Variants in TG observed in about 807,000 individuals in gnomAD.
TG encodes thyroid hormones.
TG carries 270 observed loss-of-function variants against 324.7 expected under a neutral mutation model. The observed-to-expected ratio is 0.83, with a 90% CI of 0.75 to 0.92. The LOEUF (loss-of-function observed/expected upper bound fraction) is 0.92, where lower values mean the gene tolerates loss of function less well. Ranked by LOEUF, TG falls within the 40% of genes least tolerant of loss-of-function variation. TG has a pLI of 0.00. For synonymous variants in TG, 1,401 were observed against 1,327.0 expected (o/e 1.06, Z -1.21); for missense variants, 3,591 against 3,456.4 (o/e 1.04, Z -0.98).
At chr8:133,045,371 G>C (rs947871771) in intron 41 of TG, among the ~76,000 whole-genome samples, 3 of 149,942 alleles carry the variant, frequency 2.0e-5, no homozygotes, top group African/African-American at 7.4e-5. Flanking sequence ...CAGGAACACA[G>C]GTTTCATCCT....
At chr8:132,904,130 C>T (rs538976505) in intron 16 of TG, among the ~76,000 whole-genome samples, 2 of 152,282 alleles carry the variant, frequency 1.3e-5, no homozygotes, top group Admixed American at 1.3e-4. Context: ...GCTCTCTAGG[C>T]TTCAGGGGCC....
chr8:133,012,179 C>G (rs1243730489), intron 36 of TG, 144 bp downstream of exon 36: 3 of 1,243,756 alleles, frequency 2.4e-6, no homozygotes, highest in Non-Finnish European at 3.4e-6. Context: ...GGAAGAAGAC[C>G]TGGGTGAAGT....
rs997569822 is a variant in TG, at chr8:132,886,347, T to G, written c.1076-101T>G. On this transcript the variant is annotated intron_variant, in intron 8 of 47. Transcript: ENST00000220616. ...GGTTTCAAACGTAGGTGTCCTTGAT[T>G]GAATGTTCTGGCTTCTTACTACCTA... 235 of 1,509,798 alleles carry G rather than the reference T, an allele frequency of 1.6e-4. 1 individual carries two copies. Among genetic ancestry groups the G allele is most frequent in the Non-Finnish European group, 1.9e-5 (21 of 1,094,384 alleles). 93.5% of individuals were successfully genotyped at this position (1,509,798 alleles called of 1,614,324 possible).
At chr8:132,896,746 A>C (rs1309009599) in intron 11 of TG, among the ~76,000 whole-genome samples, 1 of 152,204 alleles carries the variant, frequency 6.6e-6, no homozygotes, top group African/African-American at 2.4e-5. Context: ...TTGAGTGCCT[A>C]CTATGAGCCA....
intron 40 of TG, among the ~76,000 whole-genome samples, chr8:133,026,920 TG>T (rs1285639948): frequency 6.6e-6 from 1 of 152,274 alleles, no homozygotes; most frequent in African/African-American, 2.4e-5. Flanking sequence ...TGACAAGCAC[TG>T]TTCTGTTCCC....
chr8:133,013,527 A>C, intron 36 of TG, 73 bp from the exon 37 acceptor site: 1 of 1,582,410 alleles, frequency 6.3e-7, no homozygotes, highest in Non-Finnish European at 8.7e-7. Flanking sequence ...GGTTGGATGG[A>C]TGACTGGAAG....
At chr8:133,128,178 C>A (rs752191725) in intron 45 of TG, among the ~76,000 whole-genome samples, 1 of 152,128 alleles carries the variant, frequency 6.6e-6, no homozygotes, top group South Asian at 2.1e-4. Context: ...CTCAGCAGAA[C>A]GGCCACCTTT....
intron 41 of TG, among the ~76,000 whole-genome samples, chr8:133,062,892 G>C (rs990431072): frequency 2.6e-5 from 4 of 152,138 alleles, no homozygotes; most frequent in Non-Finnish European, 5.9e-5. Flanking sequence ...TGCACAGGCT[G>C]CTCTGCTACG....
At chr8:133,125,735 C>T (rs185112031) in intron 45 of TG, among the ~76,000 whole-genome samples, 2 of 152,146 alleles carry the variant, frequency 1.3e-5, no homozygotes, top group East Asian at 1.9e-4. Context: ...GCTGAGTGCG[C>T]GCTAGGACAC....
At chr8:132,923,830 C>T (rs1248997720) in intron 22 of TG, among the ~76,000 whole-genome samples, 1 of 152,070 alleles carries the variant, frequency 6.6e-6, no homozygotes, top group Admixed American at 6.5e-5. Context: ...GGCCTCCATT[C>T]TTCTAGGCAG....
chr8:133,035,956 C>T (rs1259464998), intron 41 of TG, among the ~76,000 whole-genome samples: 1 of 152,150 alleles, frequency 6.6e-6, no homozygotes, highest in East Asian at 1.9e-4. Flanking sequence ...CCCCTACCCT[C>T]TAGGGCCCTG....
chr8:133,102,647 T>C, intron 43 of TG: 2 of 1,327,678 alleles, frequency 1.5e-6, no homozygotes, highest in Non-Finnish European at 2.1e-6. Context: ...TCTTCATCAG[T>C]CGCTGTCATG....
chr8:133,013,253 T>A (rs1211755457), intron 36 of TG, among the ~76,000 whole-genome samples: 1 of 152,228 alleles, frequency 6.6e-6, no homozygotes, highest in East Asian at 1.9e-4. Flanking sequence ...CTCACATAAA[T>A]GAGTGATTGC....
At chr8:132,893,663 C>T (rs939832670) in intron 10 of TG, 27 bp from the exon 11 acceptor site, 11 of 1,613,010 alleles carry the variant, frequency 6.8e-6, no homozygotes, top group African/African-American at 1.3e-5. Flanking sequence ...GTGAGTGAGT[C>T]CATCTGTGTT....
chr8:132,936,128 A>G (rs1823548893), intron 25 of TG, among the ~76,000 whole-genome samples: 2 of 152,228 alleles, frequency 1.3e-5, no homozygotes, highest in Admixed American at 1.3e-4. Flanking sequence ...ATTGCAATCT[A>G]GCAAGGATTG....
At chr8:132,907,000 A>C in intron 17 of TG, 100 bp downstream of exon 17, 8 of 1,239,082 alleles carry the variant, frequency 6.5e-6, no homozygotes, top group Non-Finnish European at 8.0e-6. Flanking sequence ...CCCCACCCAA[A>C]TGTAGCACGC....
In TG at chr8:132,953,439, G is replaced by A. The variant is rs139871137; in HGVS notation, c.5401+4496G>A. 3.1e-3 allele frequency among the ~76,000 whole-genome samples: 468 copies of A among 152,302 alleles called. 4 individuals are homozygous for A. The highest frequency in any genetic ancestry group is 0.011 in the African/African-American group (444 of 41,572). On this transcript the variant is annotated intron_variant, in intron 27 of 47. Transcript: ENST00000220616. ...AGAGATACAGAGATTATTAAATACAGCAGGCCTCCTGTTTGCCCACCTTAG... is the reference window on the plus strand; with the variant it reads ...AGAGATACAGAGATTATTAAATACAACAGGCCTCCTGTTTGCCCACCTTAG...
intron 43 of TG, 59 bp downstream of exon 43, chr8:133,096,432 C>T: frequency 6.3e-7 from 1 of 1,596,078 alleles, no homozygotes; most frequent in South Asian, 1.1e-5. Context: ...GGCTCTGGAC[C>T]TCAATGTCTG....
intron 24 of TG, among the ~76,000 whole-genome samples, chr8:132,934,097 C>T (rs567786547): frequency 6.6e-6 from 1 of 152,284 alleles, no homozygotes; most frequent in South Asian, 2.1e-4. Flanking sequence ...CTTTGGGAGG[C>T]CTAGGCGGGT....
Sources: allele counts gnomAD v4.1 joint callset (sites outside exome capture counted in the v4.1 genomes callset), GRCh38; gene constraint gnomAD v4.1.1; transcripts MANE v1.5; gene names NCBI Gene and HGNC (gene_info 2026-07-23, HGNC 2026-07-21).